SGCZ: variants seen among roughly 807,000 people sequenced by gnomAD.
SGCZ encodes zeta-sarcoglycan.
A neutral mutation model predicts 41.3 loss-of-function variants in SGCZ; 40 were observed. The ratio of observed to expected loss-of-function variants is 0.97; its 90% CI spans 0.75 to 1.26. The LOEUF (loss-of-function observed/expected upper bound fraction) is 1.26. Among genes scored for constraint, SGCZ ranks in the 50% most tolerant of loss-of-function variants. SGCZ has a pLI of 0.00. For missense variants in SGCZ, 552 were observed against 369.8 expected, an observed-to-expected ratio of 1.49 and a Z score of -4.04; for synonymous variants, 206 against 137.5, an observed-to-expected ratio of 1.50 and a Z score of -3.49.
chr8:14,245,420 C>T (rs982773412), intron 3 of SGCZ, among the ~76,000 whole-genome samples: 1 of 152,184 alleles, frequency 6.6e-6, no homozygotes, highest in African/African-American at 2.4e-5. Context: ...GCATCCCTTC[C>T]TTACACCTTA....
At chr8:14,887,504 T>C (rs1322926463) in intron 1 of SGCZ, among the ~76,000 whole-genome samples, 2 of 152,202 alleles carry the variant, frequency 1.3e-5, no homozygotes, top group African/African-American at 4.8e-5. Context: ...AGGATATTAT[T>C]GGGTTAAATA....
At chr8:14,811,891 A>G (rs1801748948) in intron 1 of SGCZ, among the ~76,000 whole-genome samples, 1 of 152,040 alleles carries the variant, frequency 6.6e-6, no homozygotes, top group Admixed American at 6.6e-5. Context: ...TCAATTATAT[A>G]TAAGCATTTG....
At chr8:14,275,682 G>A (rs1290259529) in intron 3 of SGCZ, among the ~76,000 whole-genome samples, 1 of 152,090 alleles carries the variant, frequency 6.6e-6, no homozygotes, top group African/African-American at 2.4e-5. Context: ...CTTCTTTCCT[G>A]GAATGCTTCT....
intron 2 of SGCZ, among the ~76,000 whole-genome samples, chr8:14,390,663 G>C (rs1373088294): frequency 1.3e-5 from 2 of 151,772 alleles, no homozygotes; most frequent in Non-Finnish European, 2.9e-5. Context: ...AGTCATTTTA[G>C]GTTGACACAA....
intron 1 of SGCZ, among the ~76,000 whole-genome samples, chr8:15,030,139 A>G (rs1470049145): frequency 6.6e-6 from 1 of 152,154 alleles, no homozygotes; most frequent in African/African-American, 2.4e-5. Flanking sequence ...TGTGTACAAG[A>G]TGGGAAAGCA....
intron 1 of SGCZ, among the ~76,000 whole-genome samples, chr8:14,572,274 G>C (rs985862431): frequency 6.6e-6 from 1 of 152,056 alleles, no homozygotes; most frequent in African/African-American, 2.4e-5. Flanking sequence ...AAAATAAAGT[G>C]AAATGAAGTA....
In SGCZ at chr8:14,719,117, T is replaced by C. The variant is rs1332136908; in HGVS notation, c.40-164191A>G. On this transcript the variant is annotated intron_variant, in intron 1 of 7. Coordinates refer to ENST00000382080, the MANE Select transcript of SGCZ (RefSeq NM_139167.4). ...GAATATGCGGTGTTTGGTTTTTTGT[T>C]CTTGCTATAGTTTACTGAGAATGAT... Among the ~76,000 whole-genome samples the C allele has an allele frequency of 2.1e-3, 311 of 150,552 alleles. 2 individuals are homozygous for C. Among genetic ancestry groups the C allele is most frequent in the African/African-American group, 7.4e-3 (304 of 40,888 alleles).
chr8:14,384,114 C>G (rs746446477), intron 2 of SGCZ, among the ~76,000 whole-genome samples: 2 of 151,944 alleles, frequency 1.3e-5, no homozygotes, highest in Non-Finnish European at 2.9e-5. Flanking sequence ...ATCCCTCCCA[C>G]CTCCCGCTAC....
chr8:14,522,888 T>C (rs1020344333), intron 2 of SGCZ, among the ~76,000 whole-genome samples: 3 of 151,848 alleles, frequency 2.0e-5, no homozygotes, highest in African/African-American at 7.2e-5. Context: ...ATTATTTTAA[T>C]GAGTTTCAGA....
At chr8:15,022,624 G>C (rs537704119) in intron 1 of SGCZ, among the ~76,000 whole-genome samples, 3 of 152,244 alleles carry the variant, frequency 2.0e-5, no homozygotes, top group Admixed American at 2.0e-4. Context: ...TCACAGGCGT[G>C]AACCATCGTG....
rs557856737 is a variant in SGCZ, at chr8:15,215,939, C to A, written c.39+21646G>T. 9.2e-5 allele frequency among the ~76,000 whole-genome samples: 14 copies of A among 152,270 alleles called. No homozygotes were observed. In the South Asian group the frequency reaches 2.9e-3, roughly 32 times the overall value. On this transcript the variant is annotated intron_variant, in intron 1 of 7. Coordinates refer to ENST00000382080, the MANE Select transcript of SGCZ (RefSeq NM_139167.4). The stretch of plus-strand genomic sequence containing the variant: ...TTCTGGAATGCATTTTTCCTGCATT[C>A]TGTTTGAATATTGGAAGTACATCCT...
At chr8:14,321,195 A>G (rs1801906051) in intron 3 of SGCZ, among the ~76,000 whole-genome samples, 2 of 152,056 alleles carry the variant, frequency 1.3e-5, no homozygotes, top group Admixed American at 1.3e-4. Flanking sequence ...TCTATGAGTA[A>G]TCTTCCCTGA....
At chr8:14,685,243 A>C (rs1563201822) in intron 1 of SGCZ, among the ~76,000 whole-genome samples, 3 of 152,168 alleles carry the variant, frequency 2.0e-5, no homozygotes, top group Non-Finnish European at 4.4e-5. Flanking sequence ...GTAAAGGTAT[A>C]TGAATAAAAC....
intron 1 of SGCZ, among the ~76,000 whole-genome samples, chr8:15,076,525 T>A (rs1805536268): frequency 6.6e-6 from 1 of 152,182 alleles, no homozygotes; most frequent in Non-Finnish European, 1.5e-5. Context: ...GAACACACCA[T>A]CCCTTCCTAT....
intron 5 of SGCZ, among the ~76,000 whole-genome samples, chr8:14,119,182 T>C (rs1164734854): frequency 6.6e-6 from 1 of 152,218 alleles, no homozygotes; most frequent in African/African-American, 2.4e-5. Context: ...TACTGATTCT[T>C]CTTATCCATG....
intron 1 of SGCZ, among the ~76,000 whole-genome samples, chr8:15,206,498 T>C (rs1001196433): frequency 3.4e-5 from 5 of 147,968 alleles, no homozygotes; most frequent in Non-Finnish European, 6.0e-5. Flanking sequence ...CGACCCAGGC[T>C]GCAGTACATG....
intron 1 of SGCZ, among the ~76,000 whole-genome samples, chr8:15,127,709 A>G (rs1327053947): frequency 6.6e-6 from 1 of 152,214 alleles, no homozygotes; most frequent in African/African-American, 2.4e-5. Flanking sequence ...ATTCATTTAT[A>G]AAAGTCTCCC....
chr8:14,177,675 A>AT (rs1193141913), intron 4 of SGCZ, among the ~76,000 whole-genome samples: 17,527 of 111,272 alleles, frequency 0.16, 1,657 homozygotes, highest in Non-Finnish European at 0.23. Context: ...ACGCCCTGCT[A>AT]TTTTTTTTTT....
chr8:15,068,692 G>T lies in SGCZ; in HGVS notation c.39+168893C>A, dbSNP rs112168722. Among the ~76,000 whole-genome samples the T allele has an allele frequency of 5.4e-3, 821 of 152,216 alleles. 9 individuals carry two copies. Among genetic ancestry groups the T allele is most frequent in the Non-Finnish European group, 8.9e-3 (603 of 67,996 alleles). ...ATGTGAAGCTTGAAAACAATAAGTGGATGTTTTAAAGAAGAAAGTATCTAT... is the reference window on the plus strand; with the variant it reads ...ATGTGAAGCTTGAAAACAATAAGTGTATGTTTTAAAGAAGAAAGTATCTAT... On this transcript the variant is annotated intron_variant, in intron 1 of 7. Transcript: ENST00000382080.
Sources: allele counts gnomAD v4.1 joint callset (sites outside exome capture counted in the v4.1 genomes callset), GRCh38; gene constraint gnomAD v4.1.1; transcripts MANE v1.5; gene names NCBI Gene and HGNC (gene_info 2026-07-23, HGNC 2026-07-21).